The following DOCK7 variants were observed in gnomAD, a reference collection of about 807,000 sequenced individuals.
DOCK7 encodes the protein dedicator of cytokinesis 7, also known as dedicator of cytokinesis protein 7.
DOCK7 carries 138 observed loss-of-function variants against 271.0 expected under a neutral mutation model. The observed-to-expected ratio is 0.51, with a 90% CI of 0.44 to 0.59. The LOEUF (loss-of-function observed/expected upper bound fraction) is 0.59, where lower values mean the gene tolerates loss of function less well. Among genes scored for constraint, DOCK7 ranks in the 20% least tolerant of loss-of-function variants. DOCK7 has a pLI of 0.00. For synonymous variants in DOCK7, 823 were observed against 876.1 expected (o/e 0.94, Z 1.07); for missense variants, 2,066 against 2,592.4 (o/e 0.80, Z 4.41).
intron 14 of DOCK7, among the ~76,000 whole-genome samples, chr1:62,612,919 T>C (rs544712797): frequency 2.0e-5 from 3 of 152,190 alleles, no homozygotes; most frequent in Non-Finnish European, 4.4e-5. Context: ...TGCGGCTAAC[T>C]CTAACAATCC....
chr1:62,588,381 T>C (rs1647882760), intron 14 of DOCK7, among the ~76,000 whole-genome samples: 1 of 152,172 alleles, frequency 6.6e-6, no homozygotes, highest in Non-Finnish European at 1.5e-5. Context: ...AAAAGCCCTA[T>C]AGGAGGAAAA....
intron 29 of DOCK7, among the ~76,000 whole-genome samples, chr1:62,534,042 A>C (rs762663613): frequency 6.6e-5 from 10 of 151,786 alleles, no homozygotes; most frequent in Non-Finnish European, 1.5e-4. Flanking sequence ...TCTATCACCC[A>C]GGATGGAGTG....
intron 16 of DOCK7, among the ~76,000 whole-genome samples, chr1:62,581,839 C>A (rs1647133680): frequency 6.6e-6 from 1 of 151,808 alleles, no homozygotes; most frequent in Non-Finnish European, 1.5e-5. Context: ...TTAAGAAGGG[C>A]AAGGAAAATA....
chr1:62,487,441 G>T (rs1234403430), intron 42 of DOCK7, 29 bp from the exon 43 acceptor site: 2 of 1,607,882 alleles, frequency 1.2e-6, no homozygotes, highest in Non-Finnish European at 1.7e-6. Context: ...AAAAGGGCAA[G>T]TCATAAAAAA....
chr1:62,632,652 CT>C (rs969567428), intron 10 of DOCK7, among the ~76,000 whole-genome samples: 2 of 151,496 alleles, frequency 1.3e-5, no homozygotes, highest in South Asian at 2.1e-4. Context: ...AATTATCCAA[CT>C]TTTTTTTTGC....
rs1412876809 is a variant in DOCK7 at position 62,475,276 on chromosome 1, G to T, written c.6037C>A (p.Gln2013Lys). ...KTQELAFATH[Q>K]DPADPKMLQM... ...AGCATTTTGGGGTCTGCGGGATCCT[G>T]ATGTGTTGCAAATGCCAACTCCTGT... is the stretch of plus-strand genomic sequence containing the variant. Residue 2013 changes from glutamine to lysine, a missense_variant, in exon 47 of 50, where the codon CAG (glutamine) becomes AAG (lysine). By Grantham distance (53) the Gln-to-Lys change is moderately conservative. Around this residue, in one of 2 missense-constraint regions of DOCK7, gnomAD observed 652 missense variants for 922.1 expected, o/e 0.71. Coordinates refer to ENST00000635253, the MANE Select transcript of DOCK7 (RefSeq NM_001367561.1). The T allele has an allele frequency of 6.2e-7, 1 of 1,614,036 alleles. No homozygotes were observed. Among genetic ancestry groups the T allele is most frequent in the Admixed American group, 1.7e-5 (1 of 60,000 alleles).
chr1:62,540,093 T>G (rs2149394427), intron 25 of DOCK7, among the ~76,000 whole-genome samples: 1 of 152,148 alleles, frequency 6.6e-6, no homozygotes, highest in South Asian at 2.1e-4. Context: ...CCATATTACT[T>G]TCAGAAAATT....
At chr1:62,580,283 A>G (rs2149487314) in intron 16 of DOCK7, among the ~76,000 whole-genome samples, 1 of 152,312 alleles carries the variant, frequency 6.6e-6, no homozygotes, top group East Asian at 1.9e-4. Flanking sequence ...AAGATAGCTA[A>G]TGTTAGCCAT....
rs565872880 is a variant in DOCK7, at chr1:62,470,413, G to A, written c.6212+3569C>T. ...ATGATACAATGGACTTTGAGGACTCGGTGAGAAAGGGTGGGAAGGGATGAG... is the reference window on the plus strand; with the variant it reads ...ATGATACAATGGACTTTGAGGACTCAGTGAGAAAGGGTGGGAAGGGATGAG... On this transcript the variant is annotated intron_variant, in intron 48 of 49. Transcript: ENST00000635253. 6.2e-4 allele frequency among the ~76,000 whole-genome samples: 95 copies of A among 152,212 alleles called. 1 individual carries two copies. In the South Asian group the frequency reaches 8.1e-3, roughly 13 times the overall value.
chr1:62,653,647 A>T, intron 4 of DOCK7, 78 bp downstream of exon 4: 1 of 951,730 alleles, frequency 1.1e-6, no homozygotes, highest in Non-Finnish European at 1.7e-6. Flanking sequence ...CAGGTCTCAT[A>T]AACATTACGA....
At chr1:62,644,451 GCC>G (rs1656392708) in intron 7 of DOCK7, among the ~76,000 whole-genome samples, 1 of 152,152 alleles carries the variant, frequency 6.6e-6, no homozygotes, top group African/African-American at 2.4e-5. Context: ...CTCCTTGCAT[GCC>G]AAGCTCTTTC....
intron 14 of DOCK7, chr1:62,605,094 T>A: frequency 3.5e-6 from 1 of 287,448 alleles, no homozygotes; most frequent in Non-Finnish European, 6.5e-6. Flanking sequence ...AATCAATAGG[T>A]GAACTTATTA....
intron 21 of DOCK7, 130 bp from the exon 22 acceptor site, chr1:62,553,031 A>AAT: frequency 5.0e-6 from 2 of 401,762 alleles, no homozygotes; most frequent in Non-Finnish European, 6.9e-6. Flanking sequence ...TAAAAAATAT[A>AAT]CTTTTTTTTT....
chr1:62,575,454 A>G (rs1235020781), intron 18 of DOCK7, among the ~76,000 whole-genome samples: 1 of 152,200 alleles, frequency 6.6e-6, no homozygotes, highest in Non-Finnish European at 1.5e-5. Flanking sequence ...GATTTTCTTA[A>G]GAACATTTTC....
intron 45 of DOCK7, 22 bp downstream of exon 45, chr1:62,476,045 A>G: frequency 2.5e-6 from 4 of 1,599,402 alleles, no homozygotes; most frequent in Non-Finnish European, 3.4e-6. Context: ...TCTATATGTC[A>G]TTATAGTCGA....
chr1:62,565,155 T>C (rs1169033908), intron 18 of DOCK7, among the ~76,000 whole-genome samples: 4 of 152,124 alleles, frequency 2.6e-5, no homozygotes, highest in African/African-American at 9.7e-5. Context: ...TCTGAAACTA[T>C]TCCAAACAAC....
Position 62,583,219 on chromosome 1 carries a change from T to C in DOCK7, c.1836A>G (p.Ser612=). Residue 612 remains serine (S), a synonymous_variant, in exon 16 of 50, where the codon TCA becomes TCG. Transcript: ENST00000635253. ...IFGKSSCSEF[S]KEAYTAVVYH... ...ATACTACGGCTGTATAGGCTTCCTT[T>C]GAAAATTCTGAACAGCTAGATTTAC... The C allele has an allele frequency of 6.2e-7, 1 of 1,613,452 alleles. No homozygotes were observed. The highest frequency in any genetic ancestry group is 8.5e-7 in the Non-Finnish European group (1 of 1,179,646).
chr1:62,458,349 A>G (rs1305112308), intron 48 of DOCK7: 1 of 152,170 alleles, frequency 6.6e-6, no homozygotes, highest in African/African-American at 2.4e-5. Flanking sequence ...CAGATAATCA[A>G]CTGAGTTCCT....
At chr1:62,463,910 A>G (rs1645600193) in intron 48 of DOCK7, among the ~76,000 whole-genome samples, 1 of 152,184 alleles carries the variant, frequency 6.6e-6, no homozygotes, top group Non-Finnish European at 1.5e-5. Flanking sequence ...TGGTAGACAC[A>G]TGACTTTTTT....
Sources: gnomAD v4.1 joint callset for allele counts (sites outside exome capture counted in the v4.1 genomes callset) on GRCh38, gnomAD v4.1.1 for gene constraint, gnomAD v4.1.1 regional missense constraint, MANE v1.5 for transcripts, NCBI Gene and HGNC (gene_info 2026-07-23, HGNC 2026-07-21) for gene names.